The following CLUL1 variants were observed in gnomAD, a reference collection of about 807,000 sequenced individuals.
The protein encoded by CLUL1 is clusterin like 1.
In CLUL1, 43 loss-of-function variants were observed where a neutral mutation model predicts 49.4. That is an observed-to-expected ratio of 0.87 (90% CI 0.68 to 1.12). CLUL1 has a LOEUF of 1.12. CLUL1 is among the 50% of genes most tolerant of loss of function. CLUL1 has a pLI of 0.00. For missense variants in CLUL1, 486 were observed against 544.4 expected, an observed-to-expected ratio of 0.89 and a Z score of 1.07; for synonymous variants, 192 against 184.9, an observed-to-expected ratio of 1.04 and a Z score of -0.31.
At chr18:624,836 A>G (rs754373807) in intron 4 of CLUL1, 29 bp from the exon 5 acceptor site, 1 of 1,608,918 alleles carries the variant, frequency 6.2e-7, no homozygotes, top group South Asian at 1.1e-5. Flanking sequence ...TGAAATGGAA[A>G]TTGGACTTTT....
intron 2 of CLUL1, among the ~76,000 whole-genome samples, chr18:616,398 T>C (rs2073293442): frequency 6.6e-6 from 1 of 152,220 alleles, no homozygotes; most frequent in Non-Finnish European, 1.5e-5. Flanking sequence ...GCTTATAGTA[T>C]TTTCAATCTA....
At chr18:602,345 C>G (rs775284316) in intron 1 of CLUL1, among the ~76,000 whole-genome samples, 19 of 152,120 alleles carry the variant, frequency 1.2e-4, no homozygotes, top group Non-Finnish European at 2.5e-4. Flanking sequence ...CTATTTCTTC[C>G]CCTCTCCCTG....
Position 644,949 on chromosome 18 carries a change from G to T in CLUL1, c.1249G>T (p.Asp417Tyr). The change falls in exon 9 of 10, where the codon GAT becomes TAT. Residue 417 changes from aspartate (D) to tyrosine (Y), a missense_variant. Transcript: ENST00000692774. ...RIHEGNISKQ[D>Y]ETMMTDLSIL... ...TCATGAAGGAAATATTTCCAAACAA[G>T]ATGAAACAATGATGACAGACTTAAG... 6.2e-7 allele frequency: 1 copy of T among 1,613,204 alleles called. No individual in the cohort carries two copies. Among genetic ancestry groups the T allele is most frequent in the Non-Finnish European group, 8.5e-7 (1 of 1,179,594 alleles).
At chr18:621,860 T>C (rs563003590) in intron 4 of CLUL1, among the ~76,000 whole-genome samples, 4 of 152,298 alleles carry the variant, frequency 2.6e-5, no homozygotes, top group African/African-American at 9.6e-5. Context: ...GTATACAGCT[T>C]TAACAAGAAT....
chr18:634,422 G>C (rs1297097652), intron 7 of CLUL1, among the ~76,000 whole-genome samples: 2 of 152,082 alleles, frequency 1.3e-5, no homozygotes, highest in Non-Finnish European at 2.9e-5. Context: ...ATGAACCACC[G>C]TGCCTGGCCT....
chr18:604,848 T>G (rs191500304), intron 1 of CLUL1, among the ~76,000 whole-genome samples: 126 of 152,338 alleles, frequency 8.3e-4, no homozygotes, highest in African/African-American at 2.5e-3. Context: ...TACAAGGGCT[T>G]CTATATAAAA....
At chr18:633,527 G>T (rs2074046439) in intron 7 of CLUL1, 92 bp downstream of exon 7, 4 of 1,142,296 alleles carry the variant, frequency 3.5e-6, no homozygotes, top group Non-Finnish European at 5.0e-6. Flanking sequence ...AATAGCACTC[G>T]AATATAAAAT....
rs200835192 is a variant in CLUL1 at position 603,460 on chromosome 18, T to TA, written c.-135-3511dup. ...ACAGTGTAGACAATTCCTAAATACT[T>TA]AAAAAAATTTTTTTTGAAATAATGA... On this transcript the variant is annotated intron_variant, in intron 1 of 9. Transcript: ENST00000692774. 3.4e-3 allele frequency among the ~76,000 whole-genome samples: 520 copies of TA among 151,324 alleles called. 6 individuals are homozygous for TA. Among genetic ancestry groups the TA allele is most frequent in the African/African-American group, 0.012 (500 of 40,658 alleles).
intron 7 of CLUL1, among the ~76,000 whole-genome samples, chr18:641,083 C>T (rs962844995): frequency 1.3e-5 from 2 of 152,128 alleles, no homozygotes; most frequent in Non-Finnish European, 2.9e-5. Flanking sequence ...GAATTTATAA[C>T]AAAAGTTCTG....
At position 627,267 on chromosome 18, in the gene CLUL1, T is replaced by G; in HGVS notation, c.594T>G (p.Ser198Arg). ...ATGTGAATTCTCTCTTTAACAGGAG[T>G]TTTAACGTCTTCAGACAGATGCAGC... ...TVDVNSLFNR[S>R]FNVFRQMQQE... Residue 198 changes from serine to arginine, a missense_variant, in exon 6 of 10, where the codon AGT becomes AGG. Ser to Arg is a moderately radical substitution (Grantham distance 110, BLOSUM62 -1). Transcript: ENST00000692774. The G allele has an allele frequency of 1.2e-6, 2 of 1,613,682 alleles. No homozygotes were observed. The highest frequency in any genetic ancestry group is 1.7e-6 in the Non-Finnish European group (2 of 1,179,932).
At chr18:600,306 C>G (rs900514582) in intron 1 of CLUL1, among the ~76,000 whole-genome samples, 3 of 152,164 alleles carry the variant, frequency 2.0e-5, no homozygotes, top group African/African-American at 4.8e-5. Context: ...ATGTTTCTCA[C>G]TGTAATGGAG....
intron 9 of CLUL1, among the ~76,000 whole-genome samples, chr18:646,754 T>G (rs933446098): frequency 2.6e-5 from 4 of 151,430 alleles, no homozygotes; most frequent in Middle Eastern, 3.2e-3. Context: ...TTTTCTTTCT[T>G]TCTTTTTTTT....
At chr18:631,925 GGAAAGCAGCTGGGA>G (rs1464053361) in intron 6 of CLUL1, among the ~76,000 whole-genome samples, 2 of 152,196 alleles carry the variant, frequency 1.3e-5, no homozygotes, top group East Asian at 3.8e-4. Flanking sequence ...AGAGGGTCCA[GGAAAGCAGCTGGGA>G]GAAACTGACT....
At chr18:636,605 G>A (rs920300256) in intron 7 of CLUL1, among the ~76,000 whole-genome samples, 13 of 148,854 alleles carry the variant, frequency 8.7e-5, no homozygotes, top group Admixed American at 3.3e-4. Flanking sequence ...GTTTAGAGTC[G>A]ACAACACTCC....
intron 2 of CLUL1, among the ~76,000 whole-genome samples, chr18:611,170 T>C (rs1261111672): frequency 6.6e-6 from 1 of 151,012 alleles, no homozygotes; most frequent in African/African-American, 2.4e-5. Context: ...TGCCACCTAT[T>C]ACAGCTCACC....
At chr18:648,180 C>G (rs2074567353) in intron 9 of CLUL1, among the ~76,000 whole-genome samples, 1 of 152,200 alleles carries the variant, frequency 6.6e-6, no homozygotes, top group South Asian at 2.1e-4. Flanking sequence ...AAGGAAGCCT[C>G]ATGCTGGTGC....
intron 7 of CLUL1, among the ~76,000 whole-genome samples, chr18:638,389 A>T (rs1483380535): frequency 2.0e-5 from 3 of 152,244 alleles, no homozygotes; most frequent in Non-Finnish European, 4.4e-5. Context: ...ATACATTAAA[A>T]TGCACCTGAT....
At position 641,326 on chromosome 18, in the gene CLUL1, G is replaced by A. The variant is rs1271496054; in HGVS notation, c.995-1G>A. 2 of 1,613,922 alleles carry A rather than the reference G, an allele frequency of 1.2e-6. No homozygotes were observed. The highest frequency in any genetic ancestry group is 1.7e-6 in the Non-Finnish European group (2 of 1,179,964). On this transcript the variant is annotated splice_acceptor_variant, in intron 7 of 9. Coordinates refer to ENST00000692774, the MANE Select transcript of CLUL1 (RefSeq NM_001393344.1). LOFTEE classifies it high-confidence loss of function. Reference sequence around the variant, plus strand: ...CTCCACATTACTTTCTTCTCTGCTAGACTGTCCTGATGTACCTGCTCTGCA... The same window carrying A: ...CTCCACATTACTTTCTTCTCTGCTAAACTGTCCTGATGTACCTGCTCTGCA...
chr18:624,394 G>T (rs576389390), intron 4 of CLUL1, among the ~76,000 whole-genome samples: 6 of 152,120 alleles, frequency 3.9e-5, no homozygotes, highest in Admixed American at 6.5e-5. Flanking sequence ...GTACTTTCTT[G>T]CAATGTTTAA....
Sources: gnomAD v4.1 joint callset for allele counts (sites outside exome capture counted in the v4.1 genomes callset) on GRCh38, gnomAD v4.1.1 for gene constraint, MANE v1.5 for transcripts, NCBI Gene and HGNC (gene_info 2026-07-23, HGNC 2026-07-21) for gene names.